The following JADE3 variants were observed in gnomAD, a reference collection of about 807,000 sequenced individuals.
JADE3 encodes protein Jade-3.
In JADE3, 2 loss-of-function variants were observed where a neutral mutation model predicts 50.1. The observed-to-expected ratio is 0.04, with a 90% CI of 0.02 to 0.13. The LOEUF (loss-of-function observed/expected upper bound fraction) is 0.13. JADE3 is among the 10% of genes least tolerant of loss of function. The pLI is 1.00. For synonymous variants in JADE3, 218 were observed against 232.9 expected, an observed-to-expected ratio of 0.94 and a Z score of 0.58; for missense variants, 475 against 634.4, an observed-to-expected ratio of 0.75 and a Z score of 2.70.
chrX:46,956,831 T>C (rs1927133114), intron 1 of JADE3, among the ~76,000 whole-genome samples: 1 of 104,743 alleles, frequency 9.5e-6, no homozygotes, highest in South Asian at 4.7e-4. Context: ...CTTTCTTTTT[T>C]CTTTTCTTTT....
intron 1 of JADE3, among the ~76,000 whole-genome samples, chrX:46,937,723 G>C (rs1419635952): frequency 8.9e-6 from 1 of 112,058 alleles, no homozygotes; most frequent in Non-Finnish European, 1.9e-5. Flanking sequence ...GCTCACGCCT[G>C]TAATCCCAGC....
chrX:46,982,702 A>G lies in JADE3; in HGVS notation c.-11-2182A>G, dbSNP rs375755548. 2.1e-4 allele frequency among the ~76,000 whole-genome samples: 23 copies of G among 110,662 alleles called. No individual in the cohort carries two copies. In the East Asian group the frequency reaches 4.8e-3, roughly 23 times the overall value. On this transcript the variant is annotated intron_variant, in intron 1 of 10. Transcript: ENST00000614628. ...GCCTCTAATGTTGCTCTTCGGGGGT[A>G]CAAGCTTGTGTATGCCCACAGTCAC...
At chrX:46,993,163 G>A (rs938956266) in intron 3 of JADE3, among the ~76,000 whole-genome samples, 3 of 111,858 alleles carry the variant, frequency 2.7e-5, no homozygotes, top group African/African-American at 9.8e-5. Context: ...AGTCTGGTGT[G>A]TAAAACATAT....
intron 5 of JADE3, 24 bp downstream of exon 5, chrX:47,024,938 G>C: frequency 7.4e-6 from 7 of 940,781 alleles, no homozygotes; most frequent in Admixed American, 2.8e-5. Flanking sequence ...TCACAAGTAA[G>C]TTGTGACTTA....
chrX:47,055,874 A>G lies in JADE3; in HGVS notation c.1444-208A>G, dbSNP rs782793437. ...AGGTTTCAGAAGGCAGATTTGGAGCATTTTGCTTTTACTATTGGTTGATAG... is the reference window on the plus strand; with the variant it reads ...AGGTTTCAGAAGGCAGATTTGGAGCGTTTTGCTTTTACTATTGGTTGATAG... On this transcript the variant is annotated intron_variant, in intron 9 of 10. Transcript: ENST00000614628. 1.3e-3 allele frequency among the ~76,000 whole-genome samples: 145 copies of G among 112,006 alleles called. 1 individual carries two copies. Among genetic ancestry groups the G allele is most frequent in the African/African-American group, 4.6e-3 (142 of 30,877 alleles).
intron 4 of JADE3, among the ~76,000 whole-genome samples, chrX:47,022,717 A>G (rs1556364732): frequency 1.8e-5 from 2 of 111,742 alleles, no homozygotes. Flanking sequence ...TAAAATTGCC[A>G]CAGAATAATA....
intron 1 of JADE3, among the ~76,000 whole-genome samples, chrX:46,926,001 G>A (rs1344093519): frequency 9.6e-6 from 1 of 104,401 alleles, no homozygotes; most frequent in Non-Finnish European, 1.9e-5. Context: ...GACTACAGGT[G>A]TACACCACCA....
intron 1 of JADE3, among the ~76,000 whole-genome samples, chrX:46,948,016 A>T (rs1379144287): frequency 2.7e-5 from 3 of 111,714 alleles, no homozygotes. Context: ...CTGGTATCTG[A>T]TACCACAACT....
intron 5 of JADE3, among the ~76,000 whole-genome samples, chrX:47,027,437 A>G (rs1373443005): frequency 3.6e-5 from 4 of 112,265 alleles, no homozygotes; most frequent in African/African-American, 9.7e-5. Flanking sequence ...ATTTCCTTGT[A>G]TAATCATTAG....
intron 4 of JADE3, among the ~76,000 whole-genome samples, chrX:47,009,355 A>G (rs7889709): frequency 0.015 from 1,623 of 111,240 alleles, 22 homozygotes; most frequent in African/African-American, 0.039. Context: ...GATAGTGGCT[A>G]CATGAAGACA....
At chrX:46,991,899 CT>C in intron 3 of JADE3, among the ~76,000 whole-genome samples, 1 of 110,975 alleles carries the variant, frequency 9.0e-6, no homozygotes, top group Admixed American at 9.6e-5. Context: ...ATTCGCTAAT[CT>C]TCTCATTAAC....
intron 1 of JADE3, among the ~76,000 whole-genome samples, chrX:46,917,435 CAG>C (rs1359140644): frequency 1.8e-5 from 2 of 110,791 alleles, no homozygotes; most frequent in African/African-American, 3.3e-5. Context: ...GTGTGAGACT[CAG>C]AAAGGTGAAG....
In JADE3 at chrX:47,058,777, G is replaced by A; in HGVS notation, c.2172G>A (p.Val724=). Residue 724 remains valine, a synonymous_variant, in exon 11 of 11, where the codon GTG becomes GTA. Transcript: ENST00000614628. ...TTAAAGAGACCACCAATAGGTGGGT[G>A]AAGAACACAGAGGACCTCCAGTGCT... The part of the protein sequence containing the change: ...RSFKETTNRW[V]KNTEDLQCYV... 3 of 1,208,859 alleles carry A rather than the reference G, an allele frequency of 2.5e-6. No individual in the cohort carries two copies. Among genetic ancestry groups the A allele is most frequent in the Non-Finnish European group, 3.4e-6 (3 of 893,055 alleles).
intron 4 of JADE3, 28 bp downstream of exon 4, chrX:46,998,305 A>T: frequency 8.5e-7 from 1 of 1,176,346 alleles, no homozygotes; most frequent in Middle Eastern, 2.7e-4. Flanking sequence ...CCTTTGACTT[A>T]GGGAATGAAT....
chrX:47,042,243 CTT>C (rs1929277426), intron 8 of JADE3, among the ~76,000 whole-genome samples: 1 of 111,616 alleles, frequency 9.0e-6, no homozygotes, highest in South Asian at 3.7e-4. Context: ...GGCAATAAGA[CTT>C]TGGTGAGAGA....
At chrX:46,992,531 T>C (rs1401894954) in intron 3 of JADE3, among the ~76,000 whole-genome samples, 6 of 111,606 alleles carry the variant, frequency 5.4e-5, no homozygotes, top group African/African-American at 2.0e-4. Context: ...CACCTGTCTC[T>C]CTGAATTGGG....
chrX:46,993,066 G>C (rs1928052714), intron 3 of JADE3, among the ~76,000 whole-genome samples: 1 of 111,970 alleles, frequency 8.9e-6, no homozygotes, highest in African/African-American at 3.2e-5. Flanking sequence ...GCTGGGTGCT[G>C]TGGCTCATGC....
chrX:47,016,890 C>A (rs1364917378), intron 4 of JADE3, among the ~76,000 whole-genome samples: 1 of 111,122 alleles, frequency 9.0e-6, no homozygotes, highest in African/African-American at 3.3e-5. Flanking sequence ...GACTAAAGTA[C>A]ACTCTTGCTT....
chrX:46,933,832 A>G (rs1377609157), intron 1 of JADE3, among the ~76,000 whole-genome samples: 1 of 111,515 alleles, frequency 9.0e-6, no homozygotes, highest in East Asian at 2.8e-4. Flanking sequence ...CCCAGGATGT[A>G]GAAAGCTGGA....
Sources: gnomAD v4.1 joint callset for allele counts (sites outside exome capture counted in the v4.1 genomes callset) on GRCh38, gnomAD v4.1.1 for gene constraint, MANE v1.5 for transcripts, NCBI Gene and HGNC (gene_info 2026-07-23, HGNC 2026-07-21) for gene names.